The following C12orf50 variants were observed in gnomAD, a reference collection of about 807,000 sequenced individuals.
C12orf50 encodes uncharacterized protein C12orf50.
C12orf50 carries 35 observed loss-of-function variants against 61.6 expected under a neutral mutation model. That is an observed-to-expected ratio of 0.57 (90% CI 0.43 to 0.75). C12orf50 has a LOEUF of 0.75. C12orf50 is among the 30% of genes least tolerant of loss of function. The pLI is 0.00. For missense variants in C12orf50, 475 were observed against 488.5 expected, an observed-to-expected ratio of 0.97 and a Z score of 0.26; for synonymous variants, 178 against 161.5, an observed-to-expected ratio of 1.10 and a Z score of -0.77.
chr12:88,010,442 A>G (rs953239586), intron 3 of C12orf50, among the ~76,000 whole-genome samples: 2 of 120,182 alleles, frequency 1.7e-5, no homozygotes, highest in South Asian at 2.4e-4. Flanking sequence ...ATCTTATAAT[A>G]AGATTATAAG....
intron 3 of C12orf50, among the ~76,000 whole-genome samples, chr12:87,999,916 G>T (rs2031581676): frequency 6.6e-6 from 1 of 151,886 alleles, no homozygotes; most frequent in African/African-American, 2.4e-5. Context: ...AGAGGAAAAA[G>T]TCATTCACAA....
chr12:87,998,282 A>G (rs1175006631), intron 3 of C12orf50, 92 bp from the exon 4 acceptor site: 1 of 924,596 alleles, frequency 1.1e-6, no homozygotes, highest in African/African-American at 1.7e-5. Flanking sequence ...AATTAACTAT[A>G]TATTATTTTA....
At chr12:88,003,875 T>C (rs1013795665) in intron 3 of C12orf50, among the ~76,000 whole-genome samples, 1 of 152,138 alleles carries the variant, frequency 6.6e-6, no homozygotes, top group Non-Finnish European at 1.5e-5. Flanking sequence ...TTTCAGCCAT[T>C]ATTTTTTCTT....
chr12:87,985,993 T>G lies in C12orf50; in HGVS notation c.983A>C (p.Asn328Thr). The change falls in exon 11 of 13, where the codon AAT (asparagine) becomes ACT (threonine). Residue 328 changes from asparagine (N) to threonine (T), a missense_variant. Coordinates refer to ENST00000298699, the MANE Select transcript of C12orf50 (RefSeq NM_152589.3). ...GTGGATATAGGATGCATTCTCCGCATTTCGATTTTTATTATTGCGGTGATA... is the reference window on the plus strand; with the variant it reads ...GTGGATATAGGATGCATTCTCCGCAGTTCGATTTTTATTATTGCGGTGATA... ...MSYHRNNKNR[N>T]AENASYIHVQ... 6.2e-7 allele frequency: 1 copy of G among 1,613,868 alleles called. No homozygotes were observed. Among genetic ancestry groups the G allele is most frequent in the Non-Finnish European group, 8.5e-7 (1 of 1,179,854 alleles).
At chr12:88,010,629 A>C (rs2032073609) in intron 3 of C12orf50, among the ~76,000 whole-genome samples, 1 of 151,618 alleles carries the variant, frequency 6.6e-6, no homozygotes, top group Non-Finnish European at 1.5e-5. Context: ...ACTTATAATG[A>C]AAAAATTTAA....
At position 88,015,068 on chromosome 12, in the gene C12orf50, C is replaced by A. The variant is rs571394517; in HGVS notation, c.133+11420G>T. ...GCAGTATGTAGTCAGGATAAAGAAT[C>A]TGCCATCCAACACAAATTATCTCGG... On this transcript the variant is annotated intron_variant, in intron 3 of 12. Transcript: ENST00000298699. 8.5e-5 allele frequency among the ~76,000 whole-genome samples: 13 copies of A among 152,102 alleles called. No individual in the cohort carries two copies. In the East Asian group the frequency reaches 2.5e-3, roughly 29 times the overall value.
rs201188089 is a variant in C12orf50, at chr12:88,022,061, A to G, written c.133+4427T>C. Among the ~76,000 whole-genome samples, 5 of 152,150 alleles carry G rather than the reference A, an allele frequency of 3.3e-5. 1 individual carries two copies. Among genetic ancestry groups the G allele is most frequent in the Admixed American group, 3.3e-4 (5 of 15,246 alleles). ...CCAAAAAAAAAAAAATTTCAGGCCA[A>G]TATTCTCAGTGAACACAGATGTCAA... On this transcript the variant is annotated intron_variant, in intron 3 of 12. Coordinates refer to ENST00000298699, the MANE Select transcript of C12orf50 (RefSeq NM_152589.3).
chr12:88,009,471 T>C (rs2032016763), intron 3 of C12orf50, among the ~76,000 whole-genome samples: 2 of 152,080 alleles, frequency 1.3e-5, no homozygotes, highest in East Asian at 3.9e-4. Flanking sequence ...CTGTTTATTG[T>C]TCTATGATAG....
At chr12:88,026,803 C>G in intron 2 of C12orf50, 148 bp downstream of exon 2, 1 of 1,337,652 alleles carries the variant, frequency 7.5e-7, no homozygotes, top group Non-Finnish European at 1.0e-6. Context: ...AAACATGTTC[C>G]TCCATTAAGT....
rs1042332815 is a variant in C12orf50 at position 87,985,865 on chromosome 12, G to C, written c.1111C>G (p.Pro371Ala). ...NKVHANREPKPNLSPDKYTST... is the reference protein window; with the variant it reads ...NKVHANREPKANLSPDKYTST... ...AGGACCTCACCTGGACTGAGGTTGGGTTTGGGTTCCCTGTTAGCATGGACT... is the reference window on the plus strand; with the variant it reads ...AGGACCTCACCTGGACTGAGGTTGGCTTTGGGTTCCCTGTTAGCATGGACT... Residue 371 changes from proline (P) to alanine (A), a missense_variant, in exon 11 of 13, where the codon CCC becomes GCC. Pro to Ala is a conservative substitution (Grantham distance 27). Coordinates refer to ENST00000298699, the MANE Select transcript of C12orf50 (RefSeq NM_152589.3). 5.0e-6 allele frequency: 8 copies of C among 1,612,718 alleles called. No individual in the cohort carries two copies. In the African/African-American group the frequency reaches 1.1e-4, roughly 22 times the overall value.
At chr12:88,005,395 AT>A (rs2031819282) in intron 3 of C12orf50, among the ~76,000 whole-genome samples, 1 of 152,148 alleles carries the variant, frequency 6.6e-6, no homozygotes, top group Admixed American at 6.5e-5. Flanking sequence ...AGCAGGGCTC[AT>A]TTTGCTCCAT....
intron 3 of C12orf50, among the ~76,000 whole-genome samples, chr12:88,019,626 A>G (rs1434689154): frequency 6.6e-6 from 1 of 152,174 alleles, no homozygotes; most frequent in Admixed American, 6.5e-5. Context: ...AAGAAAGTAA[A>G]CAGAGAAAAA....
intron 4 of C12orf50, among the ~76,000 whole-genome samples, 195 bp downstream of exon 4, chr12:87,997,840 C>T (rs1032371680): frequency 6.6e-6 from 1 of 152,116 alleles, no homozygotes; most frequent in Non-Finnish European, 1.5e-5. Context: ...ACAACAAAAA[C>T]TTTCCAATCC....
chr12:88,015,398 C>T (rs886234902), intron 3 of C12orf50, among the ~76,000 whole-genome samples: 2 of 152,030 alleles, frequency 1.3e-5, no homozygotes, highest in Non-Finnish European at 1.5e-5. Flanking sequence ...TTAAAGTGGC[C>T]AAATCAGTTG....
intron 3 of C12orf50, among the ~76,000 whole-genome samples, chr12:88,011,313 A>T (rs550618799): frequency 6.6e-6 from 1 of 152,210 alleles, no homozygotes; most frequent in South Asian, 2.1e-4. Flanking sequence ...TTGAACAACT[A>T]TTAGGGATGA....
At chr12:88,017,231 C>T (rs374783763) in intron 3 of C12orf50, among the ~76,000 whole-genome samples, 6 of 152,180 alleles carry the variant, frequency 3.9e-5, no homozygotes, top group East Asian at 1.9e-4. Context: ...ATCATGGGGG[C>T]GGGTCTTTTC....
chr12:87,989,224 C>G (rs773067762), intron 8 of C12orf50, 40 bp downstream of exon 8: 1 of 1,435,876 alleles, frequency 7.0e-7, no homozygotes, highest in South Asian at 1.2e-5. Flanking sequence ...ACTTGCCTAG[C>G]CAAATTACAA....
chr12:88,015,888 A>T (rs984673241), intron 3 of C12orf50, among the ~76,000 whole-genome samples: 1 of 152,168 alleles, frequency 6.6e-6, no homozygotes, highest in Non-Finnish European at 1.5e-5. Context: ...AGCAGGTTGA[A>T]GTTTAAATTG....
chr12:87,995,537 T>G (rs2031343336), intron 6 of C12orf50, among the ~76,000 whole-genome samples: 1 of 152,182 alleles, frequency 6.6e-6, no homozygotes, highest in African/African-American at 2.4e-5. Context: ...GAAATCTAGG[T>G]GAAGGGTATA....
Sources: gnomAD v4.1 joint callset for allele counts (sites outside exome capture counted in the v4.1 genomes callset) on GRCh38, gnomAD v4.1.1 for gene constraint, MANE v1.5 for transcripts, NCBI Gene and HGNC (gene_info 2026-07-23, HGNC 2026-07-21) for gene names.